The following ADK variants were observed in gnomAD, a reference collection of about 807,000 sequenced individuals.
ADK encodes adenosine kinase.
A neutral mutation model predicts 44.7 loss-of-function variants in ADK; 24 were observed. The observed-to-expected ratio is 0.54, with a 90% CI of 0.39 to 0.76. The LOEUF (loss-of-function observed/expected upper bound fraction) is 0.76, where lower values mean the gene tolerates loss of function less well. Ranked by LOEUF, ADK falls within the 30% of genes least tolerant of loss-of-function variation. The pLI, the probability that ADK is intolerant of heterozygous loss-of-function variation, is 0.00. For missense variants in ADK, 321 were observed against 425.1 expected, an observed-to-expected ratio of 0.76 and a Z score of 2.15; for synonymous variants, 128 against 142.6, an observed-to-expected ratio of 0.90 and a Z score of 0.73.
At chr10:74,312,913 C>CAAAAAAAAA (rs1469398498) in intron 3 of ADK, among the ~76,000 whole-genome samples, 3 of 760 alleles carry the variant, frequency 3.9e-3, no homozygotes, top group Non-Finnish European at 0.01. Flanking sequence ...GATTCTGTCT[C>CAAAAAAAAA]CAAAAAAAAA....
chr10:74,552,816 A>C (rs148303785), intron 7 of ADK, among the ~76,000 whole-genome samples: 37 of 152,332 alleles, frequency 2.4e-4, no homozygotes, highest in African/African-American at 8.9e-4. Context: ...CCAAATAAGC[A>C]CACTAAAAGA....
intron 7 of ADK, among the ~76,000 whole-genome samples, chr10:74,575,149 C>T (rs1276259035): frequency 6.6e-6 from 1 of 152,148 alleles, no homozygotes; most frequent in East Asian, 1.9e-4. Flanking sequence ...GAGGGCTTCT[C>T]TTTTCTTCTT....
chr10:74,205,349 G>A (rs1457102112), intron 2 of ADK, among the ~76,000 whole-genome samples: 3 of 152,054 alleles, frequency 2.0e-5, no homozygotes, highest in Non-Finnish European at 4.4e-5. Context: ...ATTAAGTAGT[G>A]TACCAGGAAT....
chr10:74,287,967 A>G lies in ADK; in HGVS notation c.195-26700A>G, dbSNP rs1441945785. 1.2e-4 allele frequency among the ~76,000 whole-genome samples: 18 copies of G among 146,232 alleles called. No individual in the cohort carries two copies. The Admixed American group carries it at 1.3e-3, about 10-fold the overall frequency. On this transcript the variant is annotated intron_variant, in intron 3 of 10. Coordinates refer to ENST00000539909, the MANE Select transcript of ADK (RefSeq NM_006721.4). ...ACTACACTCCTGCCTGGGGCGATGT[A>G]CTGAGACCCTGTCTCAAAAAAAAAA...
chr10:74,511,476 T>C (rs1213601059), intron 6 of ADK, among the ~76,000 whole-genome samples: 1 of 152,254 alleles, frequency 6.6e-6, no homozygotes, highest in African/African-American at 2.4e-5. Context: ...TCAATTTCTT[T>C]CATCAGTGTT....
At chr10:74,698,406 T>G (rs10762638) in intron 10 of ADK, among the ~76,000 whole-genome samples, 104,721 of 152,166 alleles carry the variant, frequency 0.69, 36,392 homozygotes, top group Middle Eastern at 0.8. Context: ...GATGTACTGA[T>G]AAGGACCACA....
At position 74,555,389 on chromosome 10, in the gene ADK, G is replaced by A. The variant is rs16931508; in HGVS notation, c.726+29963G>A. On this transcript the variant is annotated intron_variant, in intron 7 of 10. Coordinates refer to ENST00000539909, the MANE Select transcript of ADK (RefSeq NM_006721.4). ...ATAGGTGTCAGATCCAGCTAGCAGT[G>A]CCATAAGCCAGAATTATAGATGGAA... Among the ~76,000 whole-genome samples, 1,387 of 152,086 alleles carry A rather than the reference G, an allele frequency of 9.1e-3. 20 individuals are homozygous for A. The highest frequency in any genetic ancestry group is 0.031 in the African/African-American group (1,287 of 41,474).
intron 7 of ADK, among the ~76,000 whole-genome samples, chr10:74,558,048 A>G (rs1201512367): frequency 6.6e-6 from 1 of 152,204 alleles, no homozygotes; most frequent in African/African-American, 2.4e-5. Context: ...CAGAGTGACC[A>G]GTTTAGGAAA....
chr10:74,506,323 A>G (rs1564761145), intron 6 of ADK: 1 of 269,968 alleles, frequency 3.7e-6, no homozygotes, highest in Non-Finnish European at 7.4e-6. Flanking sequence ...GCAGACCTCA[A>G]TCTACGGTAC....
At chr10:74,317,845 G>A (rs953464195) in intron 4 of ADK, among the ~76,000 whole-genome samples, 2 of 152,042 alleles carry the variant, frequency 1.3e-5, no homozygotes, top group Non-Finnish European at 2.9e-5. Context: ...GCAGTGGCGC[G>A]ATCTCTGCTC....
chr10:74,220,463 C>A (rs1227921765), intron 2 of ADK, among the ~76,000 whole-genome samples: 2 of 151,976 alleles, frequency 1.3e-5, no homozygotes, highest in Non-Finnish European at 2.9e-5. Flanking sequence ...TGGTACCATT[C>A]CTTCTGAAAC....
At chr10:74,642,849 T>TTTA (rs1293293257) in intron 9 of ADK, among the ~76,000 whole-genome samples, 5 of 148,218 alleles carry the variant, frequency 3.4e-5, no homozygotes, top group Non-Finnish European at 7.5e-5. Context: ...TTTTTTTTTT[T>TTTA]TTAAGACAGG....
intron 4 of ADK, among the ~76,000 whole-genome samples, chr10:74,317,596 G>A (rs530292155): frequency 3.7e-4 from 56 of 150,318 alleles, no homozygotes; most frequent in Non-Finnish European, 5.8e-4. Context: ...GGAAGAAAAT[G>A]ACTTCCTTGG....
In ADK at chr10:74,527,485, A is replaced by G. The variant is rs932466052; in HGVS notation, c.726+2059A>G. 5 of 571,580 alleles carry G rather than the reference A, an allele frequency of 8.7e-6. No homozygotes were observed. The African/African-American group carries it at 9.4e-5, about 11-fold the overall frequency. The allele number at this position is 571,580 out of a possible 1,614,324, so 35.4% of individuals were successfully genotyped here. A position where few individuals can be genotyped will look rare whatever the true frequency, so the allele number is the denominator to read the frequency against. Reference sequence around the variant, plus strand: ...TATTTGGACTTTATAGTCACAAATGATCTTAATTAAGGAGAGAATGTGGAG... The same window carrying G: ...TATTTGGACTTTATAGTCACAAATGGTCTTAATTAAGGAGAGAATGTGGAG... On this transcript the variant is annotated intron_variant, in intron 7 of 10. Coordinates refer to ENST00000539909, the MANE Select transcript of ADK (RefSeq NM_006721.4).
At chr10:74,235,389 G>A (rs1022301829) in intron 3 of ADK, among the ~76,000 whole-genome samples, 4 of 152,028 alleles carry the variant, frequency 2.6e-5, no homozygotes, top group Admixed American at 2.6e-4. Context: ...GACTGGAGTT[G>A]AGTGGCATGA....
chr10:74,195,703 C>T (rs796177448), intron 1 of ADK, among the ~76,000 whole-genome samples: 28 of 105,934 alleles, frequency 2.6e-4, no homozygotes, highest in African/African-American at 5.3e-4. Flanking sequence ...TTTTTCTTTT[C>T]TTTCTTTTTT....
At chr10:74,236,400 G>T (rs1844960254) in intron 3 of ADK, among the ~76,000 whole-genome samples, 2 of 152,162 alleles carry the variant, frequency 1.3e-5, no homozygotes, top group East Asian at 1.9e-4. Flanking sequence ...AAACAATTTT[G>T]TGTGGATAAT....
In ADK at chr10:74,212,378, A is replaced by G. The variant is rs191051232; in HGVS notation, c.140+11540A>G. ...TTTTGCCAAATACTGGGAATACAAT[A>G]TTAAATAACTGTTTTGCCTTTAAGC... On this transcript the variant is annotated intron_variant, in intron 2 of 10. Coordinates refer to ENST00000539909, the MANE Select transcript of ADK (RefSeq NM_006721.4). Among the ~76,000 whole-genome samples, 455 of 152,334 alleles carry G rather than the reference A, an allele frequency of 3.0e-3. 2 individuals are homozygous for G. The highest frequency in any genetic ancestry group is 0.01 in the African/African-American group (436 of 41,574).
At chr10:74,563,320 A>G (rs1351215375) in intron 7 of ADK, among the ~76,000 whole-genome samples, 1 of 152,172 alleles carries the variant, frequency 6.6e-6, no homozygotes, top group South Asian at 2.1e-4. Context: ...TTTTTACATC[A>G]TGTTCAGTGT....
Sources: gnomAD v4.1 joint callset for allele counts (sites outside exome capture counted in the v4.1 genomes callset) on GRCh38, gnomAD v4.1.1 for gene constraint, MANE v1.5 for transcripts, NCBI Gene and HGNC (gene_info 2026-07-23, HGNC 2026-07-21) for gene names.